The following LRP1B variants were observed in gnomAD, a reference collection of about 807,000 sequenced individuals.
The protein encoded by LRP1B is LDL receptor related protein 1B.
In LRP1B, 217 loss-of-function variants were observed where a neutral mutation model predicts 556.6. The ratio of observed to expected loss-of-function variants is 0.39; its 90% CI spans 0.35 to 0.44. LRP1B has a LOEUF of 0.44. LRP1B is among the 20% of genes least tolerant of loss of function. The probability of loss-of-function intolerance (pLI) is 1.00; values close to 1 mark genes in which losing one functional copy is unlikely to be tolerated. For missense variants in LRP1B, 5,053 were observed against 5,620.8 expected (o/e 0.90, Z 3.23); for synonymous variants, 2,047 against 1,865.8 (o/e 1.10, Z -2.50).
At chr2:141,542,844 G>T (rs1685314844) in intron 2 of LRP1B, among the ~76,000 whole-genome samples, 1 of 151,984 alleles carries the variant, frequency 6.6e-6, no homozygotes, top group African/African-American at 2.4e-5. Context: ...TTCTTTTAGT[G>T]CCTATTTGCA....
At position 140,813,740 on chromosome 2, in the gene LRP1B, C is replaced by G. The variant is rs1179430414; in HGVS notation, c.5276G>C (p.Arg1759Thr). ...TAAATTACCACCATCCAGGTTGCAT[C>G]TATTTATGGTTCCATTCCCTGAACT... Reference protein sequence around the residue: ...WISSGNGTINRCNLDGGNLEV... With the variant: ...WISSGNGTINTCNLDGGNLEV... Residue 1759 changes from arginine to threonine, a missense_variant, in exon 32 of 91, where the codon AGA becomes ACA. Physicochemically the swap from Arg to Thr is moderately conservative, Grantham distance 71. This residue lies in a region of LRP1B where 3,619 missense variants were observed against 3,931.9 expected (regional missense o/e 0.92). Coordinates refer to ENST00000389484, the MANE Select transcript of LRP1B (RefSeq NM_018557.3). The G allele has an allele frequency of 6.2e-7, 1 of 1,609,858 alleles. No homozygotes were observed. Among genetic ancestry groups the G allele is most frequent in the Admixed American group, 1.7e-5 (1 of 59,960 alleles).
intron 27 of LRP1B, among the ~76,000 whole-genome samples, chr2:140,867,039 T>A (rs1692972321): frequency 6.6e-6 from 1 of 152,084 alleles, no homozygotes; most frequent in Non-Finnish European, 1.5e-5. Flanking sequence ...AAGGATGAGC[T>A]GACGTTACAC....
chr2:140,953,401 T>C (rs999437468), intron 18 of LRP1B, among the ~76,000 whole-genome samples: 5 of 152,208 alleles, frequency 3.3e-5, no homozygotes, highest in African/African-American at 1.2e-4. Context: ...TATTCTTTAA[T>C]TGTTCTTGTG....
At chr2:140,912,077 C>CTAT (rs1318880659) in intron 21 of LRP1B, among the ~76,000 whole-genome samples, 2 of 151,588 alleles carry the variant, frequency 1.3e-5, no homozygotes, top group Non-Finnish European at 3.0e-5. Context: ...CCCCCTCTTC[C>CTAT]TATTGATTTT....
intron 1 of LRP1B, among the ~76,000 whole-genome samples, chr2:141,942,504 C>CA (rs755297133): frequency 9.3e-5 from 14 of 150,880 alleles, no homozygotes; most frequent in African/African-American, 2.0e-4. Flanking sequence ...AAAAACAAAA[C>CA]AAAAAAAAAA....
At chr2:142,099,907 C>A (rs1397062309) in intron 1 of LRP1B, among the ~76,000 whole-genome samples, 1 of 151,762 alleles carries the variant, frequency 6.6e-6, no homozygotes, top group Non-Finnish European at 1.5e-5. Context: ...TGGCAACAAC[C>A]TCATTAGAAC....
At chr2:141,622,093 G>A (rs1688524932) in intron 2 of LRP1B, among the ~76,000 whole-genome samples, 1 of 152,060 alleles carries the variant, frequency 6.6e-6, no homozygotes. Flanking sequence ...GTTTCTCCAT[G>A]TTGGTCAGGC....
intron 78 of LRP1B, among the ~76,000 whole-genome samples, chr2:140,334,956 A>G (rs1297100547): frequency 1.3e-5 from 2 of 152,012 alleles, no homozygotes; most frequent in Non-Finnish European, 2.9e-5. Flanking sequence ...TTTATAGAGA[A>G]GTAACTATTT....
At chr2:141,716,669 A>T (rs992395759) in intron 2 of LRP1B, among the ~76,000 whole-genome samples, 2 of 152,214 alleles carry the variant, frequency 1.3e-5, no homozygotes, top group Non-Finnish European at 2.9e-5. Context: ...AAGCTAAAAA[A>T]ATAAATAAAT....
intron 3 of LRP1B, among the ~76,000 whole-genome samples, chr2:141,380,893 G>A (rs1221436762): frequency 1.3e-5 from 2 of 152,038 alleles, no homozygotes; most frequent in East Asian, 1.9e-4. Flanking sequence ...CTCAAAGGTG[G>A]GAGGCATCTA....
chr2:140,847,009 A>T lies in LRP1B; in HGVS notation c.4939+3093T>A, dbSNP rs574601810. ...TAAGTCAGAAATGGAATCATCCTTG[A>T]CAATGCCTATTCCTCAAACTTTATG... is the stretch of plus-strand genomic sequence containing the variant. On this transcript the variant is annotated intron_variant, in intron 29 of 90. Transcript: ENST00000389484. Among the ~76,000 whole-genome samples the T allele has an allele frequency of 6.6e-5, 10 of 152,330 alleles. No individual in the cohort carries two copies. In the South Asian group the frequency reaches 2.1e-3, roughly 32 times the overall value.
intron 2 of LRP1B, among the ~76,000 whole-genome samples, chr2:141,754,579 T>C (rs1694252176): frequency 1.3e-5 from 2 of 152,188 alleles, no homozygotes; most frequent in South Asian, 4.1e-4. Context: ...TTGGTTTCAG[T>C]ATAAAACTCC....
intron 1 of LRP1B, among the ~76,000 whole-genome samples, chr2:141,946,571 G>A (rs1385552822): frequency 6.6e-6 from 1 of 152,284 alleles, no homozygotes; most frequent in South Asian, 2.1e-4. Flanking sequence ...TTGGTGAACT[G>A]TAAAATTTGA....
chr2:141,522,498 A>G (rs1027759073), intron 2 of LRP1B, among the ~76,000 whole-genome samples: 3 of 152,158 alleles, frequency 2.0e-5, no homozygotes, highest in African/African-American at 7.2e-5. Context: ...ATGAAGGTGC[A>G]TCTTGAAGAT....
At chr2:141,419,645 G>A (rs1680065762) in intron 3 of LRP1B, among the ~76,000 whole-genome samples, 1 of 151,814 alleles carries the variant, frequency 6.6e-6, no homozygotes, top group African/African-American at 2.4e-5. Flanking sequence ...GATTTTATGA[G>A]TCTTCTCTCT....
chr2:141,296,187 C>T (rs1573768872), intron 3 of LRP1B, among the ~76,000 whole-genome samples: 3 of 152,178 alleles, frequency 2.0e-5, no homozygotes, highest in East Asian at 1.9e-4. Context: ...ATCCTAACTC[C>T]TTATTTTCAA....
chr2:141,096,489 G>A (rs1700306107), intron 7 of LRP1B, among the ~76,000 whole-genome samples: 1 of 152,040 alleles, frequency 6.6e-6, no homozygotes. Flanking sequence ...TGGGGAGGCT[G>A]AGGCAGGAGA....
chr2:141,287,786 G>A (rs1451375499), intron 3 of LRP1B, among the ~76,000 whole-genome samples: 1 of 152,110 alleles, frequency 6.6e-6, no homozygotes, highest in African/African-American at 2.4e-5. Context: ...ATTTATATGT[G>A]TGATTGTGAA....
intron 3 of LRP1B, among the ~76,000 whole-genome samples, chr2:141,476,095 A>G (rs994891200): frequency 2.6e-5 from 4 of 152,144 alleles, no homozygotes; most frequent in Non-Finnish European, 4.4e-5. Flanking sequence ...CCAGAGCCCA[A>G]AAGTGCTGGC....
Sources: allele counts gnomAD v4.1 joint callset (sites outside exome capture counted in the v4.1 genomes callset), GRCh38; gene constraint gnomAD v4.1.1; regional missense constraint gnomAD v4.1.1; transcripts MANE v1.5; gene names NCBI Gene and HGNC (gene_info 2026-07-23, HGNC 2026-07-21).